Variants in LOC128125822 observed in about 807,000 individuals in gnomAD.
At chr6:63,575,960 G>T in the LOC128125822 span, among the ~76,000 whole-genome samples, 1 of 151,948 alleles carries the variant, frequency 6.6e-6, no homozygotes, top group Non-Finnish European at 1.5e-5. Flanking sequence ...TAACTTCAGA[G>T]TTATCTGGAG....
At chr6:63,579,172 T>A in the LOC128125822 span, 1 of 1,443,166 alleles carries the variant, frequency 6.9e-7, no homozygotes, top group East Asian at 2.4e-5. Flanking sequence ...TAGATAATAC[T>A]TCTGAGTTGG....
At chr6:63,575,621 G>A in the LOC128125822 span, among the ~76,000 whole-genome samples, 1 of 152,082 alleles carries the variant, frequency 6.6e-6, no homozygotes, top group African/African-American at 2.4e-5. Context: ...TTGGATTTCA[G>A]TTTTGAGTTG....
the LOC128125822 span, among the ~76,000 whole-genome samples, chr6:63,579,489 ATGCAGT>A: frequency 6.6e-6 from 1 of 152,194 alleles, no homozygotes; most frequent in Admixed American, 6.5e-5. Flanking sequence ...TTTGCATTTC[ATGCAGT>A]TGCTCATATT....
the LOC128125822 span, chr6:63,583,178 G>T: frequency 6.6e-6 from 1 of 152,322 alleles, no homozygotes; most frequent in Admixed American, 6.5e-5. Context: ...TTAAAGGGAA[G>T]TGGAAGTATA....
chr6:63,579,799 T>G, the LOC128125822 span, among the ~76,000 whole-genome samples: 1 of 152,232 alleles, frequency 6.6e-6, no homozygotes, highest in African/African-American at 2.4e-5. Context: ...TTTTGTCTTT[T>G]CGTGGACTTA....
At chr6:63,579,723 C>T in the LOC128125822 span, among the ~76,000 whole-genome samples, 1 of 152,112 alleles carries the variant, frequency 6.6e-6, no homozygotes, top group Non-Finnish European at 1.5e-5. Context: ...GTAGAACATG[C>T]CTTTGTGGCT....
chr6:63,581,727 G>T, the LOC128125822 span: 2 of 152,094 alleles, frequency 1.3e-5, no homozygotes, highest in African/African-American at 4.8e-5. Flanking sequence ...GTAGAGGACA[G>T]CCTTGGTTTG....
chr6:63,574,772 CAG>C, the LOC128125822 span, among the ~76,000 whole-genome samples: 3 of 152,102 alleles, frequency 2.0e-5, no homozygotes, highest in African/African-American at 7.2e-5. Flanking sequence ...GGGAAAGTGT[CAG>C]AATACACTTT....
At chr6:63,583,186 A>G in the LOC128125822 span, 1 of 152,258 alleles carries the variant, frequency 6.6e-6, no homozygotes, top group South Asian at 2.1e-4. Flanking sequence ...AAGTGGAAGT[A>G]TAAGTGAATG....
the LOC128125822 span, among the ~76,000 whole-genome samples, chr6:63,574,910 CA>C: frequency 6.6e-6 from 1 of 152,076 alleles, no homozygotes; most frequent in African/African-American, 2.4e-5. Flanking sequence ...TTTTTTAACC[CA>C]GCTGACCAAC....
At chr6:63,583,219 CAATG>C in the LOC128125822 span, 2 of 152,082 alleles carry the variant, frequency 1.3e-5, no homozygotes, top group Admixed American at 6.6e-5. Flanking sequence ...TACATGTAAA[CAATG>C]AAGTTATTTC....
chr6:63,577,632 C>T, the LOC128125822 span, among the ~76,000 whole-genome samples: 2 of 152,186 alleles, frequency 1.3e-5, no homozygotes, highest in African/African-American at 2.4e-5. Context: ...TCTCAGCCCA[C>T]TGCAACCTCT....
the LOC128125822 span, chr6:63,581,074 ATTC>A: frequency 5.3e-5 from 8 of 152,064 alleles, no homozygotes; most frequent in Non-Finnish European, 1.2e-4. Context: ...ACTTCCTGAA[ATTC>A]TTGTAATTTT....
At chr6:63,573,312 C>G in the LOC128125822 span, 5 of 152,294 alleles carry the variant, frequency 3.3e-5, no homozygotes, top group African/African-American at 9.7e-5. Context: ...TGGGGTAGGC[C>G]GGACAGCCAG....
chr6:63,574,201 A>G, the LOC128125822 span, among the ~76,000 whole-genome samples: 27 of 152,296 alleles, frequency 1.8e-4, no homozygotes, highest in East Asian at 5.0e-3. Context: ...ACCTAAATAG[A>G]TGTGGAACAG....
chr6:63,580,695 A>G, the LOC128125822 span: 1 of 152,028 alleles, frequency 6.6e-6, no homozygotes, highest in Non-Finnish European at 1.5e-5. Context: ...TCCCACATTC[A>G]TACCAATATA....
At chr6:63,579,958 A>G in the LOC128125822 span, 1 of 830,976 alleles carries the variant, frequency 1.2e-6, no homozygotes, top group Non-Finnish European at 1.9e-6. Flanking sequence ...TAATCAAAAG[A>G]TAAATTGCCA....
chr6:63,582,856 T>C, the LOC128125822 span: 1 of 152,228 alleles, frequency 6.6e-6, no homozygotes, highest in East Asian at 1.9e-4. Context: ...TCCCACGCCT[T>C]AACACAGCTC....
chr6:63,574,253 T>G, the LOC128125822 span, among the ~76,000 whole-genome samples: 204 of 152,284 alleles, frequency 1.3e-3, no homozygotes, highest in African/African-American at 4.8e-3. Flanking sequence ...TTACACACAT[T>G]AATTGGCTTG....
Sources: allele counts gnomAD v4.1 joint callset (sites outside exome capture counted in the v4.1 genomes callset), GRCh38; gene constraint gnomAD v4.1.1; transcripts MANE v1.5.